Variants in TOX2 observed in about 807,000 individuals in gnomAD.
TOX2 encodes the protein TOX high mobility group box family member 2.
In TOX2, 15 loss-of-function variants were observed where a neutral mutation model predicts 47.4. The observed-to-expected ratio is 0.32, with a 90% CI of 0.21 to 0.49. The LOEUF (loss-of-function observed/expected upper bound fraction) is 0.49, where lower values mean the gene tolerates loss of function less well. Ranked by LOEUF, TOX2 falls within the 20% of genes least tolerant of loss-of-function variation. TOX2 has a pLI of 0.99. For missense variants in TOX2, 622 were observed against 673.1 expected, an observed-to-expected ratio of 0.92 and a Z score of 0.84; for synonymous variants, 290 against 296.6, an observed-to-expected ratio of 0.98 and a Z score of 0.23.
At chr20:43,921,265 T>G (rs1422056880) in intron 1 of TOX2, among the ~76,000 whole-genome samples, 1 of 152,212 alleles carries the variant, frequency 6.6e-6, no homozygotes, top group Non-Finnish European at 1.5e-5. Context: ...GCAGTCCCCC[T>G]GCTGTGTGGC....
At chr20:44,053,145 C>G (rs898343421) in intron 4 of TOX2, among the ~76,000 whole-genome samples, 3 of 152,166 alleles carry the variant, frequency 2.0e-5, no homozygotes, top group Non-Finnish European at 4.4e-5. Flanking sequence ...CTTGAGTGAC[C>G]CAACAGAGAC....
At chr20:43,949,714 CCA>C (rs2069526891) in intron 1 of TOX2, among the ~76,000 whole-genome samples, 1 of 152,196 alleles carries the variant, frequency 6.6e-6, no homozygotes, top group Non-Finnish European at 1.5e-5. Flanking sequence ...GTCACGACAT[CCA>C]CGGCTTTCCA....
At chr20:44,051,234 C>G (rs1446381259) in intron 3 of TOX2, 72 bp from the exon 4 acceptor site, 10 of 1,525,730 alleles carry the variant, frequency 6.6e-6, no homozygotes, top group African/African-American at 1.4e-5. Flanking sequence ...TCCTCTAAGT[C>G]CGCTAGCACA....
chr20:43,965,906 G>A (rs1308018185), intron 1 of TOX2, among the ~76,000 whole-genome samples: 1 of 152,172 alleles, frequency 6.6e-6, no homozygotes, highest in African/African-American at 2.4e-5. Context: ...AGAATTGAGG[G>A]AATATCTGAT....
chr20:44,048,036 T>G (rs1366201486), intron 3 of TOX2, among the ~76,000 whole-genome samples: 7 of 151,842 alleles, frequency 4.6e-5, no homozygotes, highest in Non-Finnish European at 1.5e-5. Flanking sequence ...TTGGCCAACA[T>G]GGCAAAAACC....
intron 1 of TOX2, among the ~76,000 whole-genome samples, chr20:43,923,520 G>T (rs1600649407): frequency 6.6e-6 from 1 of 152,052 alleles, no homozygotes. Context: ...AGTCGATGGT[G>T]CTGATGGTGC....
intron 1 of TOX2, among the ~76,000 whole-genome samples, chr20:43,956,338 A>G (rs2069667743): frequency 2.0e-5 from 3 of 152,154 alleles, no homozygotes; most frequent in Non-Finnish European, 4.4e-5. Context: ...AGGTGGGTGG[A>G]TCACCTGAGG....
intron 3 of TOX2, among the ~76,000 whole-genome samples, chr20:44,049,205 C>A (rs559133192): frequency 5.3e-5 from 8 of 152,078 alleles, no homozygotes; most frequent in Non-Finnish European, 1.5e-5. Context: ...TCTGGACAAG[C>A]CTGTGTAAGA....
At chr20:43,991,524 A>G (rs1173272831) in intron 2 of TOX2, among the ~76,000 whole-genome samples, 2 of 152,120 alleles carry the variant, frequency 1.3e-5, no homozygotes, top group South Asian at 2.1e-4. Flanking sequence ...TTGAGGGCCT[A>G]CTATGTGCAA....
At chr20:43,945,614 G>A (rs1254761463) in intron 1 of TOX2, 1 of 329,052 alleles carries the variant, frequency 3.0e-6, no homozygotes, top group Non-Finnish European at 5.9e-6. Flanking sequence ...TGTGAGTGGG[G>A]AAGGCTCTTA....
chr20:43,954,194 GCTT>G (rs1240569055), intron 1 of TOX2, among the ~76,000 whole-genome samples: 1 of 152,080 alleles, frequency 6.6e-6, no homozygotes, highest in East Asian at 1.9e-4. Flanking sequence ...GCATGCGAGA[GCTT>G]CTACTTGTGG....
At chr20:44,060,431 C>T (rs1215975022) in intron 5 of TOX2, among the ~76,000 whole-genome samples, 1 of 152,102 alleles carries the variant, frequency 6.6e-6, no homozygotes. Context: ...AACATTCTAC[C>T]CAACAACTGC....
chr20:43,933,563 G>A (rs2069283317), intron 1 of TOX2, among the ~76,000 whole-genome samples: 1 of 152,106 alleles, frequency 6.6e-6, no homozygotes, highest in Non-Finnish European at 1.5e-5. Context: ...AGCAGAGCCT[G>A]AGACGAGGGT....
chr20:43,960,658 C>T (rs1371534613), intron 1 of TOX2, among the ~76,000 whole-genome samples: 2 of 152,236 alleles, frequency 1.3e-5, no homozygotes, highest in Admixed American at 6.5e-5. Flanking sequence ...GCTATCCAGA[C>T]GCTGAATGGA....
At chr20:43,994,900 C>T (rs983975435) in intron 2 of TOX2, among the ~76,000 whole-genome samples, 5 of 152,148 alleles carry the variant, frequency 3.3e-5, no homozygotes, top group Admixed American at 6.5e-5. Flanking sequence ...AGCCACAGAG[C>T]AGCCGTGGCT....
intron 2 of TOX2, among the ~76,000 whole-genome samples, 153 bp downstream of exon 2, chr20:43,973,585 A>G (rs1569050410): frequency 6.6e-6 from 1 of 152,198 alleles, no homozygotes; most frequent in Non-Finnish European, 1.5e-5. Flanking sequence ...TAGTCTCCTT[A>G]AAAGGTACAA....
intron 2 of TOX2, among the ~76,000 whole-genome samples, chr20:43,976,977 T>C (rs2070091248): frequency 6.6e-6 from 1 of 152,232 alleles, no homozygotes; most frequent in Non-Finnish European, 1.5e-5. Flanking sequence ...AAATATGTTT[T>C]ATAAATACAG....
At position 44,006,639 on chromosome 20, in the gene TOX2, G is replaced by A. The variant is rs746603920; in HGVS notation, c.258G>A (p.Gly86=). 1.2e-6 allele frequency: 2 copies of A among 1,614,010 alleles called. No individual in the cohort carries two copies. The highest frequency in any genetic ancestry group is 2.2e-5 in the South Asian group (2 of 91,074). ...CGGAGCCATCCCTCCTGCACCTGGGGGACCACGAAGCCAGCTACCACTCGC... is the reference window on the plus strand; with the variant it reads ...CGGAGCCATCCCTCCTGCACCTGGGAGACCACGAAGCCAGCTACCACTCGC... The part of the protein sequence containing the change: ...NLPEPSLLHL[G]DHEASYHSLC... The change falls in exon 3 of 9, where the codon GGG becomes GGA. Residue 86 remains glycine, a synonymous_variant. Transcript: ENST00000341197.
chr20:43,937,013 CTCTAG>C (rs1242373315), intron 1 of TOX2, among the ~76,000 whole-genome samples: 1 of 152,180 alleles, frequency 6.6e-6, no homozygotes, highest in African/African-American at 2.4e-5. Flanking sequence ...GGCATGTGGC[CTCTAG>C]TCTAGCCAGT....
Sources: gnomAD v4.1 joint callset for allele counts (sites outside exome capture counted in the v4.1 genomes callset) on GRCh38, gnomAD v4.1.1 for gene constraint, MANE v1.5 for transcripts, NCBI Gene and HGNC (gene_info 2026-07-23, HGNC 2026-07-21) for gene names.